INTS13: variants seen among roughly 807,000 people sequenced by gnomAD.
INTS13 encodes asunder, spermatogenesis regulator homolog (Drosphila).
INTS13 carries 35 observed loss-of-function variants against 90.2 expected under a neutral mutation model. That is an observed-to-expected ratio of 0.39 (90% CI 0.30 to 0.51). The LOEUF is 0.51. Among genes scored for constraint, INTS13 ranks in the 20% least tolerant of loss-of-function variants. INTS13 has a pLI of 0.80. For missense variants in INTS13, 601 were observed against 851.2 expected (o/e 0.71, Z 3.66); for synonymous variants, 309 against 277.1 (o/e 1.11, Z -1.14).
intron 15 of INTS13, among the ~76,000 whole-genome samples, chr12:26,909,222 G>A (rs1951701866): frequency 1.3e-5 from 2 of 152,214 alleles, no homozygotes; most frequent in African/African-American, 4.8e-5. Flanking sequence ...TTAGCTGGGT[G>A]TGGTGGCAGG....
At chr12:26,920,628 C>T (rs143278400) in intron 8 of INTS13, among the ~76,000 whole-genome samples, 182 of 152,108 alleles carry the variant, frequency 1.2e-3, no homozygotes, top group African/African-American at 4.1e-3. Context: ...CTCTTGACCT[C>T]GTCATCCACC....
chr12:26,910,068 G>T (rs1188601810), intron 15 of INTS13, among the ~76,000 whole-genome samples: 1 of 152,126 alleles, frequency 6.6e-6, no homozygotes, highest in African/African-American at 2.4e-5. Flanking sequence ...TTGGTGCCTA[G>T]AATTCCTTCA....
At chr12:26,925,238 T>C (rs1168638855) in intron 6 of INTS13, among the ~76,000 whole-genome samples, 8 of 152,240 alleles carry the variant, frequency 5.3e-5, no homozygotes, top group Admixed American at 1.3e-4. Flanking sequence ...AGGACATATA[T>C]CTATATTTCT....
At chr12:26,929,540 G>C (rs1484950851) in intron 3 of INTS13, among the ~76,000 whole-genome samples, 4 of 147,956 alleles carry the variant, frequency 2.7e-5, no homozygotes, top group African/African-American at 1.0e-4. Context: ...GGGCAACAAA[G>C]CAAGACACCG....
rs1951768182 is a variant in INTS13, at chr12:26,911,272, A to T, written c.1851T>A (p.Ala617=). 1.2e-6 allele frequency: 2 copies of T among 1,612,778 alleles called. No individual in the cohort carries two copies. The highest frequency in any genetic ancestry group is 1.7e-6 in the Non-Finnish European group (2 of 1,179,086). The change falls in exon 15 of 17, where the codon GCT becomes GCA. Residue 617 remains alanine (A), a synonymous_variant. Coordinates refer to ENST00000261191, the MANE Select transcript of INTS13 (RefSeq NM_018164.3). ...AATCAGGCGAATCTTTTATAATCTC[A>T]GCTTCAGCCAATTCTTCTTTTCCAC... is the stretch of plus-strand genomic sequence containing the variant. ...LERGKEELAE[A]EIIKDSPDSP... is the part of the protein sequence containing the mutation.
At chr12:26,936,937 A>G in intron 1 of INTS13, 123 bp from the exon 2 acceptor site, 1 of 669,860 alleles carries the variant, frequency 1.5e-6, no homozygotes, top group Non-Finnish European at 2.5e-6. Context: ...TAATATGTTC[A>G]AAGAAATCTG....
Position 26,934,607 on chromosome 12 carries a change from A to G in INTS13, c.249T>C (p.Ser83=). Residue 83 remains serine (S), a synonymous_variant, in exon 3 of 17, where the codon TCT becomes TCC. Transcript: ENST00000261191. ...KKLVNFIVSD[S]GAHVLNSWTQ... ...TCCAAGAATTTAAAACATGTGCTCC[A>G]GAGTCACTCACAATAAAATTCACCT... The G allele has an allele frequency of 6.2e-7, 1 of 1,613,546 alleles. No individual in the cohort carries two copies. Among genetic ancestry groups the G allele is most frequent in the South Asian group, 1.1e-5 (1 of 91,034 alleles).
intron 10 of INTS13, 149 bp from the exon 11 acceptor site, chr12:26,916,329 G>T (rs1229578847): frequency 1.4e-6 from 1 of 719,208 alleles, no homozygotes; most frequent in Non-Finnish European, 2.2e-6. Context: ...ACTCTTCCAT[G>T]CCTAAAAATC....
rs140387083 is a variant in INTS13 at position 26,905,503 on chromosome 12, C to A, written c.2115G>T (p.Arg705=). ...METTENGKAS[R]Q ...TAGTTCTTCAAGTCACTCTTCACTG[C>A]CGGCTGGCTTTTCCATTTTCTGTTG... Residue 705 remains arginine, a synonymous_variant, in exon 17 of 17, where the codon CGG becomes CGT. Transcript: ENST00000261191. The A allele has an allele frequency of 1.2e-5, 20 of 1,611,488 alleles. No homozygotes were observed. The African/African-American group carries it at 2.7e-4, about 22-fold the overall frequency.
intron 8 of INTS13, among the ~76,000 whole-genome samples, chr12:26,920,859 G>T (rs1565826817): frequency 1.3e-5 from 2 of 152,024 alleles, no homozygotes; most frequent in South Asian, 4.1e-4. Context: ...CAGTTCATTA[G>T]GTTTATTCTA....
At chr12:26,927,300 T>C (rs1308616796) in intron 5 of INTS13, among the ~76,000 whole-genome samples, 1 of 152,228 alleles carries the variant, frequency 6.6e-6, no homozygotes, top group African/African-American at 2.4e-5. Context: ...GGTTACAGTC[T>C]TGTGGAACTG....
chr12:26,928,722 A>G lies in INTS13; in HGVS notation c.484T>C (p.Cys162Arg), dbSNP rs773901678. Residue 162 changes from cysteine to arginine, a missense_variant, in exon 4 of 17, where the codon TGT becomes CGT. Physicochemically the swap from Cys to Arg is radical, Grantham distance 180. Around this residue, in one of 3 missense-constraint regions of INTS13, gnomAD observed 284 missense variants for 387.7 expected, o/e 0.73. Coordinates refer to ENST00000261191, the MANE Select transcript of INTS13 (RefSeq NM_018164.3). ...ERVGNRGRII[C>R]ITNAKSDSHV... is the part of the protein sequence containing the mutation. Reference sequence around the variant, plus strand: ...CCTCACCTTTTTGCATTAGTAATACAGATTATTCGTCCTCTATTTCCAACA... The same window carrying G: ...CCTCACCTTTTTGCATTAGTAATACGGATTATTCGTCCTCTATTTCCAACA... The G allele has an allele frequency of 6.2e-7, 1 of 1,613,988 alleles. No homozygotes were observed. Among genetic ancestry groups the G allele is most frequent in the South Asian group, 1.1e-5 (1 of 91,086 alleles).
chr12:26,934,674 A>G lies in INTS13; in HGVS notation c.226-44T>C, dbSNP rs769552459. 3.4e-5 allele frequency: 45 copies of G among 1,308,744 alleles called. 2 individuals are homozygous for G. The Admixed American group carries it at 7.9e-4, about 23-fold the overall frequency. 81.1% of individuals were successfully genotyped at this position (1,308,744 alleles called of 1,614,324 possible). On this transcript the variant is annotated intron_variant, in intron 2 of 16. Coordinates refer to ENST00000261191, the MANE Select transcript of INTS13 (RefSeq NM_018164.3). ...ACAATTAGTATTCAACTCTAATTTC[A>G]CTCAATCACCAACATATTTTCAAGT...
At position 26,912,508 on chromosome 12, in the gene INTS13, TAGAGGATATAGCC is replaced by T. The variant is rs552091408; in HGVS notation, c.1805+936_1805+948del. Among the ~76,000 whole-genome samples, 203 of 152,284 alleles carry T rather than the reference TAGAGGATATAGCC, an allele frequency of 1.3e-3. 1 individual carries two copies. Among genetic ancestry groups the T allele is most frequent in the Middle Eastern group, 3.4e-3 (1 of 294 alleles). ...GTTGGTCTGATTTCTGGCAAGTGGA[TAGAGGATATAGCC>T]AGAGGATACGCTATTTCTATTTATA... On this transcript the variant is annotated intron_variant, in intron 14 of 16. Transcript: ENST00000261191.
chr12:26,911,152 A>T, intron 15 of INTS13, 26 bp downstream of exon 15: 1 of 1,588,474 alleles, frequency 6.3e-7, no homozygotes, highest in Non-Finnish European at 8.5e-7. Context: ...CTTTTTATAA[A>T]CCTAGTTACC....
At chr12:26,932,141 A>G (rs369339387) in intron 3 of INTS13, among the ~76,000 whole-genome samples, 8 of 152,086 alleles carry the variant, frequency 5.3e-5, no homozygotes, top group African/African-American at 1.4e-4. Flanking sequence ...TAAACCCACA[A>G]GCGTGAAGTG....
chr12:26,926,744 T>C (rs1028380280), intron 5 of INTS13, among the ~76,000 whole-genome samples: 11 of 152,334 alleles, frequency 7.2e-5, no homozygotes, highest in South Asian at 2.1e-4. Context: ...CCCCAGTTCT[T>C]GACACATAGC....
chr12:26,914,308 C>T (rs1271313750), intron 12 of INTS13, 100 bp downstream of exon 12: 18 of 1,306,084 alleles, frequency 1.4e-5, no homozygotes, highest in Non-Finnish European at 1.7e-5. Flanking sequence ...ATATTTCATT[C>T]TTTGCTTAAG....
intron 3 of INTS13, among the ~76,000 whole-genome samples, chr12:26,931,987 T>G (rs1938217300): frequency 1.3e-5 from 2 of 149,768 alleles, no homozygotes; most frequent in South Asian, 4.2e-4. Context: ...CTTGGGAAGC[T>G]GAGGCCGGAG....
Sources: gnomAD v4.1 joint callset for allele counts (sites outside exome capture counted in the v4.1 genomes callset) on GRCh38, gnomAD v4.1.1 for gene constraint, gnomAD v4.1.1 regional missense constraint, MANE v1.5 for transcripts, NCBI Gene and HGNC (gene_info 2026-07-23, HGNC 2026-07-21) for gene names.